The following SLC9C2 variants were observed in gnomAD, a reference collection of about 807,000 sequenced individuals.
SLC9C2 encodes the protein solute carrier family 9 member C2 (putative).
SLC9C2 carries 75 observed loss-of-function variants against 140.2 expected under a neutral mutation model. That is an observed-to-expected ratio of 0.53 (90% CI 0.44 to 0.65). The LOEUF is 0.65. SLC9C2 is among the 30% of genes least tolerant of loss of function. The pLI is 0.00. For missense variants in SLC9C2, 1,074 were observed against 1,331.8 expected, an observed-to-expected ratio of 0.81 and a Z score of 3.01; for synonymous variants, 375 against 420.9, an observed-to-expected ratio of 0.89 and a Z score of 1.34.
intron 24 of SLC9C2, among the ~76,000 whole-genome samples, chr1:173,507,860 G>A (rs1264536367): frequency 6.6e-6 from 1 of 152,096 alleles, no homozygotes; most frequent in Non-Finnish European, 1.5e-5. Flanking sequence ...ACTGTGAAAC[G>A]ATGCATTTCT....
At chr1:173,568,735 T>C (rs1664657708) in intron 9 of SLC9C2, among the ~76,000 whole-genome samples, 1 of 152,294 alleles carries the variant, frequency 6.6e-6, no homozygotes, top group East Asian at 1.9e-4. Context: ...TGATTTTCCA[T>C]GTACCCACTA....
At chr1:173,530,117 G>T in intron 17 of SLC9C2, 63 bp from the exon 18 acceptor site, 1 of 1,444,862 alleles carries the variant, frequency 6.9e-7, no homozygotes, top group Non-Finnish European at 9.3e-7. Flanking sequence ...ACCCTCTGAG[G>T]CAGAAATTCA....
intron 8 of SLC9C2, among the ~76,000 whole-genome samples, chr1:173,574,045 T>C (rs566840746): frequency 1.3e-5 from 2 of 152,276 alleles, no homozygotes; most frequent in South Asian, 2.1e-4. Context: ...GACCAGAGCA[T>C]GTGGGTTAGG....
rs544365102 is a variant in SLC9C2, at chr1:173,537,946, T to G, written c.1558-907A>C. On this transcript the variant is annotated intron_variant, in intron 13 of 27. Transcript: ENST00000367714. ...CTGACCATACACTTTGCCTATCCAT[T>G]GTTTAGAAATGTTGACTCCAACCAC... Among the ~76,000 whole-genome samples the G allele has an allele frequency of 1.3e-4, 20 of 152,290 alleles. No homozygotes were observed. The South Asian group carries it at 4.1e-3, about 32-fold the overall frequency.
chr1:173,502,750 C>T (rs930158440), intron 27 of SLC9C2, among the ~76,000 whole-genome samples: 3 of 152,126 alleles, frequency 2.0e-5, no homozygotes, highest in Admixed American at 6.5e-5. Context: ...TCATCCTACT[C>T]GATAATATGT....
chr1:173,547,735 T>C lies in SLC9C2; in HGVS notation c.1511A>G (p.Glu504Gly). The C allele has an allele frequency of 6.2e-7, 1 of 1,612,462 alleles. No homozygotes were observed. The part of the protein sequence containing the change: ...NDMKTESTTD[E>G]ALMEEARLHV... ...CAATCTGGCTTCCTCCATTAAAGCT[T>C]CATCTGTTGTGGATTCTGTCTTCAT... is the stretch of plus-strand genomic sequence containing the variant. The change falls in exon 13 of 28, where the codon GAA (glutamate) becomes GGA (glycine). Residue 504 changes from glutamate (E) to glycine (G), a missense_variant. Coordinates refer to ENST00000367714, the MANE Select transcript of SLC9C2 (RefSeq NM_178527.4).
intron 9 of SLC9C2, among the ~76,000 whole-genome samples, chr1:173,560,903 T>C (rs527844953): frequency 6.6e-6 from 1 of 152,252 alleles, no homozygotes; most frequent in African/African-American, 2.4e-5. Context: ...TTCAAGCGAT[T>C]CTCCTGCCTC....
chr1:173,544,978 C>G (rs754613599), intron 13 of SLC9C2, among the ~76,000 whole-genome samples: 2 of 152,116 alleles, frequency 1.3e-5, no homozygotes. Flanking sequence ...GCACGTTGTG[C>G]ACATGTACCC....
intron 5 of SLC9C2, among the ~76,000 whole-genome samples, chr1:173,586,583 T>A (rs771195646): frequency 6.6e-6 from 1 of 152,216 alleles, no homozygotes; most frequent in Non-Finnish European, 1.5e-5. Context: ...TACACATGTA[T>A]GTTTATTACA....
At chr1:173,548,315 A>AATTT in intron 12 of SLC9C2, 74 bp downstream of exon 12, 1 of 1,425,022 alleles carries the variant, frequency 7.0e-7, no homozygotes, top group South Asian at 1.4e-5. Flanking sequence ...TCAGGTCTTT[A>AATTT]ACAATAGGCT....
chr1:173,574,592 G>C (rs988794784), intron 8 of SLC9C2, among the ~76,000 whole-genome samples: 1 of 141,564 alleles, frequency 7.1e-6, no homozygotes, highest in Non-Finnish European at 1.5e-5. Context: ...CTCACTGCAA[G>C]CTCCACCTCC....
At chr1:173,514,105 C>T (rs1660244582) in intron 23 of SLC9C2, among the ~76,000 whole-genome samples, 1 of 152,192 alleles carries the variant, frequency 6.6e-6, no homozygotes, top group Non-Finnish European at 1.5e-5. Flanking sequence ...AGAATAAGTG[C>T]CATGTGGCAC....
In SLC9C2 at chr1:173,573,227, G is replaced by A; in HGVS notation, c.1001C>T (p.Thr334Ile). 1 of 1,575,168 alleles carries A rather than the reference G, an allele frequency of 6.3e-7. No homozygotes were observed. Among genetic ancestry groups the A allele is most frequent in the Non-Finnish European group, 8.7e-7 (1 of 1,148,150 alleles). Residue 334 changes from threonine (T) to isoleucine (I), a missense_variant, in exon 9 of 28, where the codon ACT (threonine) becomes ATT (isoleucine). By Grantham distance (89) the Thr-to-Ile change is moderately conservative. Transcript: ENST00000367714. ...AAATAAAATGAATATGAAAGGTATAGTGTGAAATTCATAGTGGCTGAGTTC... is the reference window on the plus strand; with the variant it reads ...AAATAAAATGAATATGAAAGGTATAATGTGAAATTCATAGTGGCTGAGTTC... Reference protein sequence around the residue: ...CGELSHYEFHTIPFIFILFTT... With the variant: ...CGELSHYEFHIIPFIFILFTT...
In SLC9C2 at chr1:173,501,655, C is replaced by T. The variant is rs139261582; in HGVS notation, c.3372-558G>A. ...CCTCCTGAGTAGCTGGAACTACAGG[C>T]GCCCACCACCACGCCCAGCTAATTT... On this transcript the variant is annotated intron_variant, in intron 27 of 27. Transcript: ENST00000367714. Among the ~76,000 whole-genome samples the T allele has an allele frequency of 1.0e-3, 159 of 151,852 alleles. 3 individuals carry two copies. In the East Asian group the frequency reaches 0.029, roughly 27 times the overall value.
chr1:173,536,821 T>C, intron 14 of SLC9C2, 121 bp downstream of exon 14: 2 of 699,876 alleles, frequency 2.9e-6, no homozygotes, highest in Non-Finnish European at 5.0e-6. Context: ...AGAAGATGGA[T>C]ACATACAGAT....
intron 21 of SLC9C2, among the ~76,000 whole-genome samples, chr1:173,523,181 G>A (rs1311409553): frequency 6.6e-6 from 1 of 152,066 alleles, no homozygotes; most frequent in Non-Finnish European, 1.5e-5. Context: ...AGACCAGCCT[G>A]GCCAACATGA....
chr1:173,519,178 T>A (rs1218570247), intron 22 of SLC9C2, among the ~76,000 whole-genome samples: 2 of 151,966 alleles, frequency 1.3e-5, no homozygotes, highest in African/African-American at 4.8e-5. Flanking sequence ...CAGAGAGAGA[T>A]GTGTGAAGGA....
chr1:173,601,572 T>C, intron 2 of SLC9C2, 78 bp downstream of exon 2: 3 of 1,510,216 alleles, frequency 2.0e-6, no homozygotes, highest in South Asian at 2.5e-5. Flanking sequence ...TTTGATGTTA[T>C]GTAGTTGTGA....
Position 173,524,704 on chromosome 1 carries a change from C to T in SLC9C2, c.2514+75G>A. 7 of 1,510,360 alleles carry T rather than the reference C, an allele frequency of 4.6e-6. No homozygotes were observed. In the Admixed American group the frequency reaches 9.9e-5, roughly 21 times the overall value. 93.6% of individuals were successfully genotyped at this position (1,510,360 alleles called of 1,614,324 possible). A position where few individuals can be genotyped will look rare whatever the true frequency, so the allele number is the denominator to read the frequency against. On this transcript the variant is annotated intron_variant, in intron 20 of 27. Transcript: ENST00000367714. ...CCTGTGGTTAAACAATTTTTTCAATCTCCCTCCTTATTACACACTGCTAAA... is the reference window on the plus strand; with the variant it reads ...CCTGTGGTTAAACAATTTTTTCAATTTCCCTCCTTATTACACACTGCTAAA...
Sources: allele counts gnomAD v4.1 joint callset (sites outside exome capture counted in the v4.1 genomes callset), GRCh38; gene constraint gnomAD v4.1.1; transcripts MANE v1.5; gene names NCBI Gene and HGNC (gene_info 2026-07-23, HGNC 2026-07-21).